FHIP1B: variants seen among roughly 807,000 people sequenced by gnomAD.
FHIP1B encodes FHF complex subunit HOOK interacting protein 1B, also known as FHF complex subunit HOOK-interacting protein 1B.
In FHIP1B, 28 loss-of-function variants were observed where a neutral mutation model predicts 82.2. The observed-to-expected ratio is 0.34, with a 90% CI of 0.25 to 0.47. The LOEUF is 0.47. FHIP1B is among the 20% of genes least tolerant of loss of function. FHIP1B has a pLI of 1.00. For missense variants in FHIP1B, 1,110 were observed against 1,262.6 expected (o/e 0.88, Z 1.83); for synonymous variants, 585 against 516.1 (o/e 1.13, Z -1.81).
At chr11:6,233,389 T>A (rs907063969) in intron 1 of FHIP1B, among the ~76,000 whole-genome samples, 1 of 152,180 alleles carries the variant, frequency 6.6e-6, no homozygotes, top group Non-Finnish European at 1.5e-5. Flanking sequence ...AAACCAACTT[T>A]CCAGAATTTC....
chr11:6,232,132 C>T (rs1014996389), intron 1 of FHIP1B, among the ~76,000 whole-genome samples: 43 of 151,790 alleles, frequency 2.8e-4, no homozygotes, highest in African/African-American at 9.3e-4. Context: ...CTCAGAACTA[C>T]CACTCACTAT....
chr11:6,233,506 T>C (rs1486896067), intron 1 of FHIP1B, among the ~76,000 whole-genome samples: 1 of 152,192 alleles, frequency 6.6e-6, no homozygotes, highest in Admixed American at 6.5e-5. Context: ...GTGGCTAAAA[T>C]GTTCAGTATC....
chr11:6,222,920 G>T (rs190212630), intron 4 of FHIP1B, 23 bp from the exon 5 acceptor site: 10 of 1,611,804 alleles, frequency 6.2e-6, no homozygotes, highest in Admixed American at 5.0e-5. Flanking sequence ...CAGAGAGAAG[G>T]GGGAGGGTTA....
At position 6,217,873 on chromosome 11, in the gene FHIP1B, G is replaced by C. The variant is rs147897958; in HGVS notation, c.1713C>G (p.Thr571=). ...GCTCGCCATCATAGGGGGCAGACCA[G>C]GTACGGCAGGCTCGGACACAGCGGT... ...GVDRCVRACR[T]WSAPYDGERP... Residue 571 remains threonine, a synonymous_variant, in exon 9 of 12, where the codon ACC becomes ACG. Transcript: ENST00000449352. 9.5e-4 allele frequency: 1,537 copies of C among 1,613,668 alleles called. No individual in the cohort carries two copies. The highest frequency in any genetic ancestry group is 2.0e-3 in the Admixed American group (121 of 60,020).
chr11:6,216,200 C>A (rs986368892), intron 9 of FHIP1B, among the ~76,000 whole-genome samples: 2 of 152,186 alleles, frequency 1.3e-5, no homozygotes, highest in Admixed American at 1.3e-4. Context: ...CTGTAGGAGG[C>A]AAGAAGAGGG....
Position 6,211,807 on chromosome 11 carries a change from C to G in FHIP1B, c.2618G>C (p.Arg873Thr). ...GACCAATTGTGCCGCCTGCCGGGCC[C>G]TGGTTGGACTGTGTGCATGCCGCAG... The part of the protein sequence containing the change: ...LLLRHAHSPT[R>T]ARQAAQLVLQ... The change falls in exon 12 of 12, where the codon AGG becomes ACG. Residue 873 changes from arginine to threonine, a missense_variant. By Grantham distance (71) the Arg-to-Thr change is moderately conservative. Around this residue, in one of 6 missense-constraint regions of FHIP1B, gnomAD observed 147 missense variants for 154.0 expected, o/e 0.95. Transcript: ENST00000449352. The G allele has an allele frequency of 6.2e-7, 1 of 1,611,350 alleles. No individual in the cohort carries two copies. The highest frequency in any genetic ancestry group is 8.5e-7 in the Non-Finnish European group (1 of 1,178,828).
In FHIP1B at chr11:6,211,390, C is replaced by T; in HGVS notation, c.*116G>A. On this transcript the variant is annotated 3_prime_UTR_variant, in exon 12 of 12. Coordinates refer to ENST00000449352, the MANE Select transcript of FHIP1B (RefSeq NM_001098794.2). ...ATATTGCAACAAGTTCTCCATAAAA[C>T]ATTCATCTGAAATAAATTAAAAAGT... The T allele has an allele frequency of 7.7e-7, 1 of 1,292,892 alleles. No individual in the cohort carries two copies. Among genetic ancestry groups the T allele is most frequent in the African/African-American group, 1.5e-5 (1 of 67,460 alleles). The allele number at this position is 1,292,892 out of a possible 1,614,324, so 80.1% of individuals were successfully genotyped here.
At chr11:6,233,418 G>A (rs1847752645) in intron 1 of FHIP1B, among the ~76,000 whole-genome samples, 1 of 152,134 alleles carries the variant, frequency 6.6e-6, no homozygotes, top group Non-Finnish European at 1.5e-5. Flanking sequence ...TTGGGTTGGT[G>A]GGGAGAAGAG....
In FHIP1B at chr11:6,211,670, G is replaced by A. The variant is rs1408760790; in HGVS notation, c.2755C>T (p.Leu919Phe). ...GGAPERQGEA[L>F]RVKNAVYCAV... Reference sequence around the variant, plus strand: ...CAGTAGACAGCATTCTTGACTCGAAGAGCCTCACCTTGGCGTTCAGGGGCC... The same window carrying A: ...CAGTAGACAGCATTCTTGACTCGAAAAGCCTCACCTTGGCGTTCAGGGGCC... Residue 919 changes from leucine (L) to phenylalanine (F), a missense_variant, in exon 12 of 12, where the codon CTT (leucine) becomes TTT (phenylalanine). Physicochemically the swap from Leu to Phe is conservative, Grantham distance 22. This residue lies in a region of FHIP1B where 147 missense variants were observed against 154.0 expected (regional missense o/e 0.95). Transcript: ENST00000449352. 6 of 1,614,232 alleles carry A rather than the reference G, an allele frequency of 3.7e-6. No homozygotes were observed. The highest frequency in any genetic ancestry group is 3.4e-6 in the Non-Finnish European group (4 of 1,180,036).
chr11:6,216,776 A>C (rs1847239111), intron 9 of FHIP1B: 2 of 471,494 alleles, frequency 4.2e-6, no homozygotes, highest in East Asian at 7.7e-5. Flanking sequence ...TCTTAGTGCT[A>C]GCAGACAGTC....
Position 6,211,460 on chromosome 11 carries a change from GC to G in FHIP1B, c.*45del, listed in dbSNP as rs764004096. 5 of 1,523,712 alleles carry G rather than the reference GC, an allele frequency of 3.3e-6. No individual in the cohort carries two copies. In the South Asian group the frequency reaches 5.3e-5, roughly 16 times the overall value. 94.4% of individuals were successfully genotyped at this position (1,523,712 alleles called of 1,614,324 possible). ...AACATAAAAAGGAGCCTGTGCCCTA[GC>G]CCCAGCCCGGGCCACCCATGGCCCT... On this transcript the variant is annotated 3_prime_UTR_variant, in exon 12 of 12. Transcript: ENST00000449352.
At chr11:6,213,754 C>A (rs542441788) in intron 11 of FHIP1B, among the ~76,000 whole-genome samples, 17 of 152,158 alleles carry the variant, frequency 1.1e-4, no homozygotes, top group Non-Finnish European at 1.2e-4. Context: ...TTCCCTTCCA[C>A]GTCCACTATT....
intron 1 of FHIP1B, among the ~76,000 whole-genome samples, chr11:6,234,152 C>T (rs542029440): frequency 8.5e-4 from 130 of 152,226 alleles, no homozygotes; most frequent in African/African-American, 2.8e-3. Flanking sequence ...ATTCCCTCCT[C>T]CCATGCCTCG....
intron 1 of FHIP1B, among the ~76,000 whole-genome samples, chr11:6,231,461 T>C (rs1274516246): frequency 6.6e-6 from 1 of 151,208 alleles, no homozygotes; most frequent in Middle Eastern, 3.4e-3. Context: ...CTCATTATGA[T>C]ATATTTTCTT....
chr11:6,214,142 G>A (rs1341375757), intron 11 of FHIP1B, among the ~76,000 whole-genome samples: 5 of 148,108 alleles, frequency 3.4e-5, no homozygotes, highest in African/African-American at 1.2e-4. Flanking sequence ...TTACTAAGCT[G>A]TAATAATATC....
intron 1 of FHIP1B, among the ~76,000 whole-genome samples, chr11:6,227,746 G>A (rs1847599878): frequency 6.6e-6 from 1 of 152,120 alleles, no homozygotes; most frequent in Non-Finnish European, 1.5e-5. Flanking sequence ...AGGAGGTAAG[G>A]GTAAAATCAT....
At position 6,214,832 on chromosome 11, in the gene FHIP1B, C is replaced by G. The variant is rs756276375; in HGVS notation, c.2295G>C (p.Gly765=). The part of the protein sequence containing the change: ...NSVYVNFLLT[G]LVAQLACHPQ... ...GGTGACAGGCCAGCTGGGCCACCAGCCCCGTCAGCAGGAAGTTGACATAGA... is the reference window on the plus strand; with the variant it reads ...GGTGACAGGCCAGCTGGGCCACCAGGCCCGTCAGCAGGAAGTTGACATAGA... The change falls in exon 10 of 12, where the codon GGG becomes GGC. Residue 765 remains glycine (G), a synonymous_variant. Coordinates refer to ENST00000449352, the MANE Select transcript of FHIP1B (RefSeq NM_001098794.2). 4 of 1,612,258 alleles carry G rather than the reference C, an allele frequency of 2.5e-6. No individual in the cohort carries two copies. Among genetic ancestry groups the G allele is most frequent in the Admixed American group, 1.7e-5 (1 of 59,710 alleles).
chr11:6,232,796 A>G (rs1380538032), intron 1 of FHIP1B, among the ~76,000 whole-genome samples: 1 of 152,222 alleles, frequency 6.6e-6, no homozygotes. Flanking sequence ...AAAGCTATAG[A>G]AATAATTTTT....
chr11:6,224,218 G>C lies in FHIP1B; in HGVS notation c.169C>G (p.Arg57Gly). 6.2e-7 allele frequency: 1 copy of C among 1,610,820 alleles called. No individual in the cohort carries two copies. Among genetic ancestry groups the C allele is most frequent in the South Asian group, 1.1e-5 (1 of 90,652 alleles). The change falls in exon 3 of 12, where the codon CGG becomes GGG. Residue 57 changes from arginine to glycine, a missense_variant. Physicochemically the swap from Arg to Gly is moderately radical, Grantham distance 125. Transcript: ENST00000449352. ...TCGTCTGCACCCCCAGGAGCTGCCC[G>C]AGGGCCTTGCCGCTCCAGGATTCGC... ...VVRILERQGP[R>G]AAPGGADDLS...
Sources: allele counts gnomAD v4.1 joint callset (sites outside exome capture counted in the v4.1 genomes callset), GRCh38; gene constraint gnomAD v4.1.1; regional missense constraint gnomAD v4.1.1; transcripts MANE v1.5; gene names NCBI Gene and HGNC (gene_info 2026-07-23, HGNC 2026-07-21).